The following PYGL variants were observed in gnomAD, a reference collection of about 807,000 sequenced individuals.
PYGL encodes the protein glycogen phosphorylase L.
Under a neutral mutation model 100.1 loss-of-function variants are expected in PYGL, and 90 were observed. The observed-to-expected ratio is 0.90, with a 90% confidence interval of 0.76 to 1.07. The LOEUF (loss-of-function observed/expected upper bound fraction) is 1.07, where lower values mean the gene tolerates loss of function less well. Among genes scored for constraint, PYGL ranks in the 50% least tolerant of loss-of-function variants. The pLI is 0.00. For missense variants in PYGL, 1,016 were observed against 1,057.6 expected, an observed-to-expected ratio of 0.96 and a Z score of 0.55; for synonymous variants, 373 against 393.0, an observed-to-expected ratio of 0.95 and a Z score of 0.60.
At chr14:50,908,020 C>CAA (rs34040095) in intron 19 of PYGL, 3,384 of 225,796 alleles carry the variant, frequency 0.015, 4 homozygotes, top group East Asian at 0.03. Context: ...AGATCTGTCT[C>CAA]AAAAAAAAAA....
rs1208446629 is a variant in PYGL, at chr14:50,916,731, C to G, written c.1003G>C (p.Ala335Pro). 1 of 1,613,492 alleles carries G rather than the reference C, an allele frequency of 6.2e-7. No individual in the cohort carries two copies. The highest frequency in any genetic ancestry group is 8.5e-7 in the Non-Finnish European group (1 of 1,179,548). ...TVFDAFPDQV[A>P]IQLNDTHPAL... is the part of the protein sequence containing the mutation. ...GGGTGAGTGTCATTCAGCTGGATGG[C>G]CACCTGGGTGGGGAAAGACATCAAC... Residue 335 changes from alanine (A) to proline (P), a missense_variant, in exon 9 of 20, where the codon GCC becomes CCC. By Grantham distance (27) the Ala-to-Pro change is conservative (BLOSUM62 -1). Coordinates refer to ENST00000216392, the MANE Select transcript of PYGL (RefSeq NM_002863.5).
At chr14:50,942,489 T>C (rs888845313) in intron 1 of PYGL, among the ~76,000 whole-genome samples, 1 of 140,402 alleles carries the variant, frequency 7.1e-6, no homozygotes, top group African/African-American at 2.5e-5. Flanking sequence ...AGGCGCAGTA[T>C]GGTGTACTTA....
At chr14:50,914,649 T>C in intron 12 of PYGL, 52 bp downstream of exon 12, 4 of 1,423,986 alleles carry the variant, frequency 2.8e-6, no homozygotes, top group Non-Finnish European at 3.0e-6. Flanking sequence ...TATAGTCATA[T>C]GCCTCTTGCA....
chr14:50,907,360 G>C (rs987019654), intron 19 of PYGL, among the ~76,000 whole-genome samples: 1 of 152,074 alleles, frequency 6.6e-6, no homozygotes, highest in East Asian at 1.9e-4. Flanking sequence ...AGAGAATAGG[G>C]GTCAGTCCTT....
At chr14:50,942,880 A>G (rs2050713631) in intron 1 of PYGL, among the ~76,000 whole-genome samples, 2 of 152,238 alleles carry the variant, frequency 1.3e-5, no homozygotes, top group Non-Finnish European at 2.9e-5. Flanking sequence ...ATATATGTAT[A>G]CATAAAGTGT....
chr14:50,915,509 G>T lies in PYGL; in HGVS notation c.1240-10C>A, dbSNP rs1217552842. 6.2e-7 allele frequency: 1 copy of T among 1,614,044 alleles called. No individual in the cohort carries two copies. Among genetic ancestry groups the T allele is most frequent in the African/African-American group, 1.3e-5 (1 of 74,938 alleles). ...ACAAGGCCACAATTCTCTAGCCAAA[G>T]GAAGAGAAAGCCCTTGCTGGTCACT... is the stretch of plus-strand genomic sequence containing the variant. On this transcript the variant is annotated splice_polypyrimidine_tract_variant and intron_variant, in intron 10 of 19. Transcript: ENST00000216392.
intron 19 of PYGL, 27 bp from the exon 20 acceptor site, chr14:50,905,583 C>A (rs1352117331): frequency 6.2e-7 from 1 of 1,610,710 alleles, no homozygotes; most frequent in Non-Finnish European, 8.5e-7. Context: ...CATATACAGC[C>A]CAGAGTCCCA....
intron 3 of PYGL, 64 bp downstream of exon 3, chr14:50,935,043 A>T (rs955543462): frequency 7.0e-7 from 1 of 1,438,796 alleles, no homozygotes; most frequent in Non-Finnish European, 9.8e-7. Context: ...AAGCATGGTC[A>T]TGCATGGCAT....
At chr14:50,940,810 A>G (rs959575904) in intron 1 of PYGL, among the ~76,000 whole-genome samples, 1 of 152,228 alleles carries the variant, frequency 6.6e-6, no homozygotes, top group Non-Finnish European at 1.5e-5. Context: ...ATATTTTTAA[A>G]TTGTATGTTT....
rs12434792 is a variant in PYGL at position 50,916,035 on chromosome 14, C to A, written c.1093-64G>T. 10,802 of 1,603,568 alleles carry A rather than the reference C, an allele frequency of 6.7e-3. 346 individuals are homozygous for A. In the East Asian group the frequency reaches 0.071, roughly 11 times the overall value. On this transcript the variant is annotated intron_variant, in intron 9 of 19. Coordinates refer to ENST00000216392, the MANE Select transcript of PYGL (RefSeq NM_002863.5). ...TGGGCACCCCACTGCACGGGCCAAA[C>A]CCTTCTTCAACCCTGCCCTGTCTGC...
At chr14:50,921,295 A>G in intron 5 of PYGL, 2 of 552,712 alleles carry the variant, frequency 3.6e-6, no homozygotes, top group East Asian at 6.2e-5. Context: ...ATCCACACTG[A>G]TGGTCCTTTA....
chr14:50,938,508 G>T (rs186698799), intron 1 of PYGL, among the ~76,000 whole-genome samples: 1 of 152,140 alleles, frequency 6.6e-6, no homozygotes, highest in African/African-American at 2.4e-5. Context: ...CACTGCGCCC[G>T]GCCCCTTTAC....
chr14:50,905,506 C>G lies in PYGL; in HGVS notation c.2430G>C (p.Gly810=). ...TMVLKNIAAS[G]KFSSDRTIKE... is the part of the protein sequence containing the mutation. ...TAATTGTTCGGTCACTGGAGAATTT[C>G]CCCGAGGCAGCTATGTTTTTGAGTA... Residue 810 remains glycine, a synonymous_variant, in exon 20 of 20, where the codon GGG becomes GGC. Transcript: ENST00000216392. The G allele has an allele frequency of 6.2e-7, 1 of 1,613,988 alleles. No individual in the cohort carries two copies. The highest frequency in any genetic ancestry group is 8.5e-7 in the Non-Finnish European group (1 of 1,179,886).
At chr14:50,916,156 G>A (rs1194856824) in intron 9 of PYGL, among the ~76,000 whole-genome samples, 185 bp from the exon 10 acceptor site, 2 of 152,210 alleles carry the variant, frequency 1.3e-5, no homozygotes, top group Non-Finnish European at 2.9e-5. Flanking sequence ...GTGTGAGGGG[G>A]AAGCCATTTG....
chr14:50,937,298 T>C (rs1160025326), intron 2 of PYGL, among the ~76,000 whole-genome samples: 1 of 152,248 alleles, frequency 6.6e-6, no homozygotes, highest in East Asian at 1.9e-4. Flanking sequence ...AGAGAAAGTA[T>C]GACAACAGAA....
chr14:50,919,446 G>A (rs748202404), intron 7 of PYGL, among the ~76,000 whole-genome samples: 51 of 152,158 alleles, frequency 3.4e-4, no homozygotes, highest in Admixed American at 7.2e-4. Flanking sequence ...AACACCAGGT[G>A]GACATCTGGT....
At chr14:50,916,610 A>C (rs757117516) in intron 9 of PYGL, 32 bp downstream of exon 9, 2 of 1,564,444 alleles carry the variant, frequency 1.3e-6, no homozygotes, top group South Asian at 2.2e-5. Flanking sequence ...ATTCTGGTTA[A>C]TTAAAGGAAA....
At chr14:50,942,804 G>A (rs1176640555) in intron 1 of PYGL, among the ~76,000 whole-genome samples, 2 of 148,804 alleles carry the variant, frequency 1.3e-5, no homozygotes, top group East Asian at 4.1e-4. Flanking sequence ...CAGCCTGGGC[G>A]AGAGTGAGAC....
intron 1 of PYGL, 55 bp from the exon 2 acceptor site, chr14:50,937,892 C>A: frequency 6.9e-7 from 1 of 1,452,670 alleles, no homozygotes; most frequent in South Asian, 1.1e-5. Context: ...CCTCACTTAA[C>A]ATAAAAACAC....
Sources: gnomAD v4.1 joint callset for allele counts (sites outside exome capture counted in the v4.1 genomes callset) on GRCh38, gnomAD v4.1.1 for gene constraint, MANE v1.5 for transcripts, NCBI Gene and HGNC (gene_info 2026-07-23, HGNC 2026-07-21) for gene names.